PINX1: variants seen among roughly 807,000 people sequenced by gnomAD.
The protein encoded by PINX1 is PIN2/TERF1-interacting telomerase inhibitor 1.
PINX1 carries 34 observed loss-of-function variants against 25.4 expected under a neutral mutation model. The ratio of observed to expected loss-of-function variants is 1.34; its 90% confidence interval spans 1.02 to 1.78. The LOEUF (loss-of-function observed/expected upper bound fraction) is 1.78. Ranked by LOEUF, PINX1 falls within the 40% of genes most tolerant of loss-of-function variation. PINX1 has a pLI of 0.00. For synonymous variants in PINX1, 197 were observed against 147.7 expected, an observed-to-expected ratio of 1.33 and a Z score of -2.42; for missense variants, 592 against 404.9, an observed-to-expected ratio of 1.46 and a Z score of -3.97.
intron 3 of PINX1, 101 bp downstream of exon 3, chr8:10,832,788 GTGC>G (rs1251031727): frequency 6.1e-6 from 4 of 651,078 alleles, no homozygotes; most frequent in Non-Finnish European, 8.3e-6. Flanking sequence ...ATAAAAAGAA[GTGC>G]TGCACCAATG....
chr8:10,801,248 T>C (rs1405182588), intron 6 of PINX1, among the ~76,000 whole-genome samples: 1 of 152,178 alleles, frequency 6.6e-6, no homozygotes, highest in African/African-American at 2.4e-5. Context: ...AATGATGGCT[T>C]ACGAAAGCGT....
intron 6 of PINX1, among the ~76,000 whole-genome samples, chr8:10,771,758 G>A (rs1801230192): frequency 6.6e-6 from 1 of 152,212 alleles, no homozygotes; most frequent in Admixed American, 6.5e-5. Flanking sequence ...GTGTGGGAGG[G>A]TAAGAAGAGA....
In PINX1 at chr8:10,765,507, T is replaced by C. The variant is rs1228135066; in HGVS notation, c.881A>G (p.Lys294Arg). 2 of 1,613,756 alleles carry C rather than the reference T, an allele frequency of 1.2e-6. No homozygotes were observed. The highest frequency in any genetic ancestry group is 1.7e-6 in the Non-Finnish European group (2 of 1,179,902). Reference protein sequence around the residue: ...PEGRDFTLKPKKRRGKKKLQK... With the variant: ...PEGRDFTLKPRKRRGKKKLQK... Reference sequence around the variant, plus strand: ...CAGCTTTTTCTTCCCTCTCCTCTTTTTGGGCTTCAGGGTGAAGTCCCGGCC... The same window carrying C: ...CAGCTTTTTCTTCCCTCTCCTCTTTCTGGGCTTCAGGGTGAAGTCCCGGCC... The change falls in exon 7 of 7, where the codon AAA becomes AGA. Residue 294 changes from lysine to arginine, a missense_variant. By Grantham distance (26) the Lys-to-Arg change is conservative. Transcript: ENST00000314787.
intron 6 of PINX1, among the ~76,000 whole-genome samples, chr8:10,791,336 G>A (rs1303570356): frequency 6.6e-6 from 1 of 152,154 alleles, no homozygotes; most frequent in African/African-American, 2.4e-5. Flanking sequence ...AGCCTCTAGT[G>A]ACTCCCGTCC....
At chr8:10,823,739 G>C (rs117502369) in intron 5 of PINX1, among the ~76,000 whole-genome samples, 1 of 152,150 alleles carries the variant, frequency 6.6e-6, no homozygotes, top group Admixed American at 6.5e-5. Context: ...AAGGCAGGAC[G>C]ATCACTTGAG....
At chr8:10,805,379 CCATGA>C (rs1323799896) in intron 6 of PINX1, among the ~76,000 whole-genome samples, 4 of 152,262 alleles carry the variant, frequency 2.6e-5, no homozygotes, top group African/African-American at 9.6e-5. Context: ...TGGCATATTT[CCATGA>C]TACACTTTAG....
At chr8:10,791,343 G>A (rs777167818) in intron 6 of PINX1, among the ~76,000 whole-genome samples, 8 of 152,116 alleles carry the variant, frequency 5.3e-5, no homozygotes, top group Non-Finnish European at 7.4e-5. Flanking sequence ...AGTGACTCCC[G>A]TCCCTCCTCG....
chr8:10,779,067 T>G (rs1801502744), intron 6 of PINX1, among the ~76,000 whole-genome samples: 1 of 152,208 alleles, frequency 6.6e-6, no homozygotes, highest in South Asian at 2.1e-4. Flanking sequence ...CATTTTGGAA[T>G]GGAGGGTAGC....
chr8:10,772,613 G>A (rs932720002), intron 6 of PINX1, among the ~76,000 whole-genome samples: 1 of 152,248 alleles, frequency 6.6e-6, no homozygotes, highest in African/African-American at 2.4e-5. Flanking sequence ...GCAATGAGCA[G>A]CCTCGGGGAA....
chr8:10,802,821 C>T (rs540384783), intron 6 of PINX1, among the ~76,000 whole-genome samples: 1 of 152,326 alleles, frequency 6.6e-6, no homozygotes, highest in South Asian at 2.1e-4. Flanking sequence ...GATATGGATT[C>T]TCCTGGGACA....
intron 4 of PINX1, among the ~76,000 whole-genome samples, chr8:10,828,380 G>T (rs1023712564): frequency 6.6e-6 from 1 of 152,188 alleles, no homozygotes; most frequent in South Asian, 2.1e-4. Flanking sequence ...CGAGGCGCTG[G>T]ACTGGAGGCT....
intron 6 of PINX1, among the ~76,000 whole-genome samples, chr8:10,778,465 C>CT (rs1464654925): frequency 6.6e-6 from 1 of 152,152 alleles, no homozygotes; most frequent in Non-Finnish European, 1.5e-5. Flanking sequence ...ACACATTTCT[C>CT]TGTCTCATGT....
chr8:10,801,162 T>C (rs1802252798), intron 6 of PINX1, among the ~76,000 whole-genome samples: 1 of 152,146 alleles, frequency 6.6e-6, no homozygotes, highest in African/African-American at 2.4e-5. Flanking sequence ...TTCTTCCCAG[T>C]ACCACAGATT....
intron 6 of PINX1, among the ~76,000 whole-genome samples, chr8:10,776,454 C>T (rs59570261): frequency 0.23 from 30,332 of 134,032 alleles, 4,534 homozygotes; most frequent in African/African-American, 0.45. Flanking sequence ...AATAAACAAA[C>T]AAACAAACAA....
intron 4 of PINX1, 63 bp from the exon 5 acceptor site, chr8:10,826,307 A>G: frequency 1.2e-6 from 1 of 869,078 alleles, no homozygotes; most frequent in Non-Finnish European, 1.8e-6. Flanking sequence ...TATTCTCCTA[A>G]CAGTGGATAG....
chr8:10,826,976 T>C (rs1798071860), intron 4 of PINX1, among the ~76,000 whole-genome samples: 2 of 152,124 alleles, frequency 1.3e-5, no homozygotes, highest in African/African-American at 4.8e-5. Flanking sequence ...CATCCGCCCA[T>C]GTACAAATGA....
chr8:10,770,974 T>C (rs1432070685), intron 6 of PINX1, among the ~76,000 whole-genome samples: 1 of 152,174 alleles, frequency 6.6e-6, no homozygotes, highest in Non-Finnish European at 1.5e-5. Context: ...GGGTAATGTA[T>C]TTAGCAACTG....
chr8:10,802,467 C>T (rs1802298097), intron 6 of PINX1, among the ~76,000 whole-genome samples: 1 of 152,210 alleles, frequency 6.6e-6, no homozygotes, highest in Admixed American at 6.5e-5. Context: ...CTTTGTACTC[C>T]ACTCCATCAT....
At chr8:10,772,573 C>A (rs1801260376) in intron 6 of PINX1, among the ~76,000 whole-genome samples, 1 of 152,220 alleles carries the variant, frequency 6.6e-6, no homozygotes. Flanking sequence ...TCGCTCACAT[C>A]TGGAATTAGG....
Sources: gnomAD v4.1 joint callset for allele counts (sites outside exome capture counted in the v4.1 genomes callset) on GRCh38, gnomAD v4.1.1 for gene constraint, MANE v1.5 for transcripts, NCBI Gene and HGNC (gene_info 2026-07-23, HGNC 2026-07-21) for gene names.